Variants in RNF121 observed in about 807,000 individuals in gnomAD.
RNF121 encodes ring finger protein 121.
In RNF121, 21 loss-of-function variants were observed where a neutral mutation model predicts 46.5. The ratio of observed to expected loss-of-function variants is 0.45; its 90% confidence interval spans 0.32 to 0.65. The LOEUF (loss-of-function observed/expected upper bound fraction) is 0.65, where lower values mean the gene tolerates loss of function less well. RNF121 is among the 30% of genes least tolerant of loss of function. The pLI is 0.04. For synonymous variants in RNF121, 139 were observed against 144.7 expected (o/e 0.96, Z 0.28); for missense variants, 346 against 416.0 (o/e 0.83, Z 1.46).
chr11:71,975,623 C>T (rs1954511926), intron 3 of RNF121, among the ~76,000 whole-genome samples: 1 of 152,194 alleles, frequency 6.6e-6, no homozygotes, highest in African/African-American at 2.4e-5. Flanking sequence ...TTGTGTTCTT[C>T]AGGAGATTTT....
chr11:71,981,638 T>G (rs764070374), intron 3 of RNF121, among the ~76,000 whole-genome samples: 1 of 152,228 alleles, frequency 6.6e-6, no homozygotes, highest in Non-Finnish European at 1.5e-5. Context: ...AGAATTGTTT[T>G]ATGCCTTTAA....
At chr11:71,971,583 A>C (rs1370118870) in intron 3 of RNF121, among the ~76,000 whole-genome samples, 1 of 151,884 alleles carries the variant, frequency 6.6e-6, no homozygotes, top group Admixed American at 6.5e-5. Context: ...AACTCCTACA[A>C]ATCAACAAAA....
intron 3 of RNF121, among the ~76,000 whole-genome samples, chr11:71,965,412 A>T (rs1031176562): frequency 6.6e-6 from 1 of 151,858 alleles, no homozygotes; most frequent in African/African-American, 2.4e-5. Context: ...CACCATGCCC[A>T]GCTCATTTTT....
intron 2 of RNF121, among the ~76,000 whole-genome samples, chr11:71,957,469 A>G (rs765161054): frequency 1.3e-5 from 2 of 152,182 alleles, no homozygotes; most frequent in African/African-American, 2.4e-5. Context: ...CAAATCATCT[A>G]TCTGGGTTTC....
At chr11:71,959,798 G>C (rs1406777723) in intron 2 of RNF121, among the ~76,000 whole-genome samples, 2 of 152,092 alleles carry the variant, frequency 1.3e-5, no homozygotes, top group South Asian at 4.2e-4. Flanking sequence ...ACCACACCCG[G>C]CTAATTTTTG....
At chr11:71,957,653 C>G (rs1332877133) in intron 2 of RNF121, among the ~76,000 whole-genome samples, 1 of 152,132 alleles carries the variant, frequency 6.6e-6, no homozygotes, top group African/African-American at 2.4e-5. Context: ...ATGTGGTAAG[C>G]TTACAGTAAG....
intron 3 of RNF121, among the ~76,000 whole-genome samples, chr11:71,968,416 T>G (rs1385075017): frequency 6.6e-6 from 1 of 152,190 alleles, no homozygotes; most frequent in African/African-American, 2.4e-5. Flanking sequence ...TCTGTTTGGA[T>G]GGCCCATCTT....
chr11:71,980,192 G>A (rs994263977), intron 3 of RNF121, among the ~76,000 whole-genome samples: 3 of 152,146 alleles, frequency 2.0e-5, no homozygotes, highest in African/African-American at 7.2e-5. Flanking sequence ...GGGTTCCTAT[G>A]TAGTGAATTG....
intron 2 of RNF121, among the ~76,000 whole-genome samples, chr11:71,958,811 A>T (rs1414620429): frequency 6.6e-6 from 1 of 152,320 alleles, no homozygotes; most frequent in East Asian, 1.9e-4. Flanking sequence ...GTATTCAAGC[A>T]AAGATTGCAA....
At chr11:71,965,687 C>G (rs748810534) in intron 3 of RNF121, among the ~76,000 whole-genome samples, 25 of 152,162 alleles carry the variant, frequency 1.6e-4, no homozygotes, top group Admixed American at 1.0e-3. Flanking sequence ...CCTGTGCAAG[C>G]AGTTTTATAG....
intron 5 of RNF121, among the ~76,000 whole-genome samples, chr11:71,988,098 C>T (rs1219671968): frequency 6.6e-6 from 1 of 152,200 alleles, no homozygotes; most frequent in Non-Finnish European, 1.5e-5. Context: ...AGGTTGTTTT[C>T]AATTTAGTAT....
intron 4 of RNF121, 99 bp from the exon 5 acceptor site, chr11:71,986,905 G>T: frequency 1.3e-6 from 1 of 745,580 alleles, no homozygotes; most frequent in East Asian, 2.5e-5. Context: ...CAAAGACCCT[G>T]GTGTCCCCAT....
chr11:71,994,571 G>A, intron 6 of RNF121, 148 bp from the exon 7 acceptor site: 1 of 890,164 alleles, frequency 1.1e-6, no homozygotes, highest in South Asian at 1.7e-5. Flanking sequence ...TTTCTAAACA[G>A]TTTAAAAAAA....
At chr11:71,929,883 A>G (rs998723766) in intron 1 of RNF121, among the ~76,000 whole-genome samples, 2 of 152,218 alleles carry the variant, frequency 1.3e-5, no homozygotes, top group African/African-American at 2.4e-5. Flanking sequence ...AGTGTGCAAC[A>G]TTTCAGCTTG....
intron 1 of RNF121, among the ~76,000 whole-genome samples, chr11:71,948,996 T>C (rs1161999213): frequency 1.3e-5 from 2 of 152,314 alleles, no homozygotes; most frequent in Non-Finnish European, 2.9e-5. Context: ...CACAGCATTT[T>C]GTGTATATGT....
chr11:71,980,775 C>T (rs1001925774), intron 3 of RNF121, among the ~76,000 whole-genome samples: 1 of 152,200 alleles, frequency 6.6e-6, no homozygotes. Context: ...CTGCTGACTA[C>T]TTGAAATGTA....
At chr11:71,933,666 T>G (rs1953330175) in intron 1 of RNF121, among the ~76,000 whole-genome samples, 1 of 152,206 alleles carries the variant, frequency 6.6e-6, no homozygotes, top group Non-Finnish European at 1.5e-5. Context: ...CCGCTTGTAC[T>G]TTGTCTAGGC....
At chr11:71,984,938 T>C (rs1954743964) in intron 4 of RNF121, among the ~76,000 whole-genome samples, 1 of 151,480 alleles carries the variant, frequency 6.6e-6, no homozygotes, top group South Asian at 2.1e-4. Flanking sequence ...TTTTTAAAAA[T>C]AGAGATGAGG....
intron 8 of RNF121, among the ~76,000 whole-genome samples, 186 bp from the exon 9 acceptor site, chr11:71,996,009 G>A (rs1001629850): frequency 6.6e-6 from 1 of 152,178 alleles, no homozygotes; most frequent in Non-Finnish European, 1.5e-5. Context: ...GAAGAGGAGG[G>A]GGAGGGCAAA....
Sources: allele counts gnomAD v4.1 joint callset (sites outside exome capture counted in the v4.1 genomes callset), GRCh38; gene constraint gnomAD v4.1.1; transcripts MANE v1.5; gene names NCBI Gene and HGNC (gene_info 2026-07-23, HGNC 2026-07-21).